Variants in DNM3 observed in about 807,000 individuals in gnomAD.
DNM3 encodes the protein dynamin 3.
In DNM3, 47 loss-of-function variants were observed where a neutral mutation model predicts 101.6. The observed-to-expected ratio is 0.46, with a 90% confidence interval of 0.37 to 0.59. The LOEUF (loss-of-function observed/expected upper bound fraction) is 0.59, where lower values mean the gene tolerates loss of function less well. Among genes scored for constraint, DNM3 ranks in the 20% least tolerant of loss-of-function variants. The probability of loss-of-function intolerance (pLI) is 0.00; values close to 1 mark genes in which losing one functional copy is unlikely to be tolerated. For synonymous variants in DNM3, 385 were observed against 387.9 expected, an observed-to-expected ratio of 0.99 and a Z score of 0.09; for missense variants, 849 against 1,085.7, an observed-to-expected ratio of 0.78 and a Z score of 3.06.
chr1:172,328,626 C>T (rs1417829958), intron 17 of DNM3, among the ~76,000 whole-genome samples: 4 of 151,954 alleles, frequency 2.6e-5, no homozygotes, highest in Admixed American at 6.6e-5. Flanking sequence ...CAAGAGACAC[C>T]GGGGCCTACT....
intron 17 of DNM3, among the ~76,000 whole-genome samples, chr1:172,338,372 G>A (rs1181982980): frequency 6.6e-6 from 1 of 151,920 alleles, no homozygotes; most frequent in Non-Finnish European, 1.5e-5. Context: ...TAAACCCATA[G>A]CCTTTGATTT....
chr1:172,232,958 C>T (rs1384552179), intron 14 of DNM3, among the ~76,000 whole-genome samples: 1 of 152,024 alleles, frequency 6.6e-6, no homozygotes, highest in African/African-American at 2.4e-5. Flanking sequence ...AATTGACACC[C>T]TAACATCACA....
rs1229865520 is a variant in DNM3 at position 171,921,105 on chromosome 1, G to GT, written c.162-632dup. Among the ~76,000 whole-genome samples, 390 of 141,650 alleles carry GT rather than the reference G, an allele frequency of 2.8e-3. 1 individual carries two copies. The highest frequency in any genetic ancestry group is 4.5e-3 in the Non-Finnish European group (292 of 64,554). 92.9% of individuals were successfully genotyped at this position (141,650 alleles called of 152,430 possible). A position where few individuals can be genotyped will look rare whatever the true frequency, so the allele number is the denominator to read the frequency against. ...CGTCTGGCTGGCTAGTTTTTGTAGG[G>GT]TTTTTTTTTTTCTTTTTTTTTTTGT... On this transcript the variant is annotated intron_variant, in intron 1 of 20. Coordinates refer to ENST00000627582, the MANE Select transcript of DNM3 (RefSeq NM_015569.5).
intron 14 of DNM3, among the ~76,000 whole-genome samples, chr1:172,204,351 A>G (rs1341569816): frequency 6.6e-6 from 1 of 152,154 alleles, no homozygotes; most frequent in Non-Finnish European, 1.5e-5. Context: ...TAAGAGGACT[A>G]GTGCAGTGCT....
At chr1:172,351,837 G>T (rs953964353) in intron 17 of DNM3, among the ~76,000 whole-genome samples, 2 of 152,088 alleles carry the variant, frequency 1.3e-5, no homozygotes, top group Admixed American at 6.5e-5. Flanking sequence ...TCATAGAATG[G>T]CATATGGAAC....
At chr1:172,154,217 T>G (rs1201761377) in intron 14 of DNM3, among the ~76,000 whole-genome samples, 3 of 152,060 alleles carry the variant, frequency 2.0e-5, no homozygotes, top group Admixed American at 2.0e-4. Context: ...GAGATTTTCT[T>G]GAATGGAAGG....
intron 1 of DNM3, among the ~76,000 whole-genome samples, chr1:171,864,907 G>A (rs1224166683): frequency 3.3e-5 from 5 of 151,452 alleles, no homozygotes; most frequent in African/African-American, 1.2e-4. Flanking sequence ...TTTAGAATGA[G>A]AATCTTTTTG....
intron 11 of DNM3, among the ~76,000 whole-genome samples, chr1:172,069,914 AAG>A (rs1167106191): frequency 6.6e-6 from 1 of 152,150 alleles, no homozygotes; most frequent in African/African-American, 2.4e-5. Flanking sequence ...GACAAAATAA[AAG>A]AGAGAGGAAA....
chr1:172,185,704 G>A (rs2059498519), intron 14 of DNM3, among the ~76,000 whole-genome samples: 1 of 152,124 alleles, frequency 6.6e-6, no homozygotes, highest in South Asian at 2.1e-4. Context: ...TATTGTAAAT[G>A]TATTGCAAAC....
chr1:172,141,480 C>A (rs2057577832), intron 14 of DNM3, among the ~76,000 whole-genome samples: 2 of 152,052 alleles, frequency 1.3e-5, no homozygotes, highest in African/African-American at 4.8e-5. Flanking sequence ...GAGCAGATCC[C>A]TTACAGAGTA....
At chr1:172,228,669 T>A (rs2061225964) in intron 14 of DNM3, among the ~76,000 whole-genome samples, 1 of 152,158 alleles carries the variant, frequency 6.6e-6, no homozygotes, top group Non-Finnish European at 1.5e-5. Flanking sequence ...TATCACTGTA[T>A]AATTTAAGGA....
At chr1:172,387,803 A>T (rs1385808201) in intron 19 of DNM3, among the ~76,000 whole-genome samples, 1 of 152,216 alleles carries the variant, frequency 6.6e-6, no homozygotes, top group East Asian at 1.9e-4. Context: ...TAAGGATCAG[A>T]TTATACTAAC....
At chr1:172,221,209 C>T (rs545909407) in intron 14 of DNM3, among the ~76,000 whole-genome samples, 4 of 152,026 alleles carry the variant, frequency 2.6e-5, no homozygotes, top group Admixed American at 6.6e-5. Context: ...AAAACATTTA[C>T]ATAAGAAAAG....
At chr1:172,242,637 C>T (rs551215127) in intron 14 of DNM3, among the ~76,000 whole-genome samples, 32 of 152,254 alleles carry the variant, frequency 2.1e-4, no homozygotes, top group African/African-American at 7.7e-4. Flanking sequence ...GAGACATGGT[C>T]TCACTATCTT....
At position 171,841,690 on chromosome 1, in the gene DNM3, C is replaced by T; in HGVS notation, c.34C>T (p.Leu12=). ...CCGGGAGATGGAGGAGCTGATCCCG[C>T]TGGTGAACCGTCTGCAGGACGCGTT... ...GNREMEELIP[L]VNRLQDAFSA... Residue 12 remains leucine (L), a synonymous_variant, in exon 1 of 21, where the codon CTG becomes TTG. Coordinates refer to ENST00000627582, the MANE Select transcript of DNM3 (RefSeq NM_015569.5). 6.2e-7 allele frequency: 1 copy of T among 1,611,920 alleles called. No individual in the cohort carries two copies. The highest frequency in any genetic ancestry group is 8.5e-7 in the Non-Finnish European group (1 of 1,179,344).
chr1:171,867,830 C>T (rs1018048683), intron 1 of DNM3, among the ~76,000 whole-genome samples: 20 of 152,016 alleles, frequency 1.3e-4, no homozygotes, highest in Admixed American at 1.3e-3. Context: ...TACCATAACC[C>T]ACCATATTTT....
intron 4 of DNM3, among the ~76,000 whole-genome samples, chr1:172,000,628 T>A (rs1268810017): frequency 6.6e-6 from 1 of 152,100 alleles, no homozygotes; most frequent in South Asian, 2.1e-4. Context: ...GTCCAAATCA[T>A]CCTCACCTCC....
chr1:172,117,536 C>T (rs373273726), intron 13 of DNM3, among the ~76,000 whole-genome samples: 128 of 152,220 alleles, frequency 8.4e-4, no homozygotes, highest in Middle Eastern at 6.8e-3. Flanking sequence ...TCGCAGCCAC[C>T]GTGTAAGAAG....
intron 4 of DNM3, among the ~76,000 whole-genome samples, chr1:172,017,027 T>G (rs191317506): frequency 6.6e-6 from 1 of 152,272 alleles, no homozygotes; most frequent in Admixed American, 6.5e-5. Flanking sequence ...TTTATGGGTA[T>G]ACAGTTGTTC....
Sources: allele counts gnomAD v4.1 joint callset (sites outside exome capture counted in the v4.1 genomes callset), GRCh38; gene constraint gnomAD v4.1.1; transcripts MANE v1.5; gene names NCBI Gene and HGNC (gene_info 2026-07-23, HGNC 2026-07-21).